Variants in LIN52 observed in about 807,000 individuals in gnomAD.
LIN52 encodes protein lin-52 homolog.
Under a neutral mutation model 18.5 loss-of-function variants are expected in LIN52, and 4 were observed. That is an observed-to-expected ratio of 0.22 (90% CI 0.11 to 0.49). The LOEUF is 0.49. LIN52 is among the 20% of genes least tolerant of loss of function. The pLI, the probability that LIN52 is intolerant of heterozygous loss-of-function variation, is 0.97. For synonymous variants in LIN52, 34 were observed against 45.5 expected (o/e 0.75, Z 1.02); for missense variants, 102 against 139.5 (o/e 0.73, Z 1.35).
chr14:74,156,226 A>G (rs893268463), intron 5 of LIN52, among the ~76,000 whole-genome samples: 2 of 152,186 alleles, frequency 1.3e-5, no homozygotes, highest in African/African-American at 4.8e-5. Flanking sequence ...AGATCATAAT[A>G]CTCCTTTTTT....
intron 5 of LIN52, among the ~76,000 whole-genome samples, chr14:74,190,742 AC>A (rs1350322307): frequency 6.6e-6 from 1 of 152,148 alleles, no homozygotes; most frequent in Non-Finnish European, 1.5e-5. Flanking sequence ...TTCAAATGCT[AC>A]TTTTATATAT....
chr14:74,199,050 A>G lies in LIN52; in HGVS notation c.*73A>G. On this transcript the variant is annotated 3_prime_UTR_variant, in exon 6 of 6. Transcript: ENST00000555028. ...TCCCGGTGCACCTCTAACAATGCAC[A>G]CCTCACTGCTTGCTTGGGAGAGGCC... is the stretch of plus-strand genomic sequence containing the variant. The G allele has an allele frequency of 9.5e-7, 1 of 1,049,902 alleles. No homozygotes were observed. Among genetic ancestry groups the G allele is most frequent in the Non-Finnish European group, 1.5e-6 (1 of 673,268 alleles). 65.0% of individuals were successfully genotyped at this position (1,049,902 alleles called of 1,614,324 possible). A position where few individuals can be genotyped will look rare whatever the true frequency, so the allele number is the denominator to read the frequency against.
chr14:74,190,388 A>ATTTTTTTT (rs2061358409), intron 5 of LIN52, among the ~76,000 whole-genome samples: 3 of 64,308 alleles, frequency 4.7e-5, no homozygotes, highest in Non-Finnish European at 6.3e-5. Context: ...TGCCTAAATA[A>ATTTTTTTT]CTTTTTTTTT....
chr14:74,113,040 T>C (rs2060939420), intron 5 of LIN52, among the ~76,000 whole-genome samples: 1 of 152,128 alleles, frequency 6.6e-6, no homozygotes, highest in African/African-American at 2.4e-5. Context: ...AGGCAATTAG[T>C]GATGTCTGTT....
At chr14:74,140,078 A>ATT (rs1459735374) in intron 5 of LIN52, among the ~76,000 whole-genome samples, 1 of 123,414 alleles carries the variant, frequency 8.1e-6, no homozygotes, top group African/African-American at 3.3e-5. Context: ...TCCTAAGAAC[A>ATT]CTTCAGCAAA....
At chr14:74,161,310 C>G (rs894054260) in intron 5 of LIN52, among the ~76,000 whole-genome samples, 7 of 152,110 alleles carry the variant, frequency 4.6e-5, no homozygotes, top group African/African-American at 1.7e-4. Context: ...CTCAACCTCC[C>G]AAGTAGCTGG....
chr14:74,178,514 G>A (rs2061303100), intron 5 of LIN52, among the ~76,000 whole-genome samples: 2 of 151,120 alleles, frequency 1.3e-5, no homozygotes, highest in African/African-American at 4.9e-5. Context: ...CTGGAGTGCA[G>A]TGGTGCGATT....
At chr14:74,197,290 C>T (rs537413975) in intron 5 of LIN52, among the ~76,000 whole-genome samples, 115 of 152,144 alleles carry the variant, frequency 7.6e-4, no homozygotes, top group African/African-American at 2.5e-3. Flanking sequence ...TGTAGCAGGT[C>T]GGTAAGAATC....
At chr14:74,154,621 A>G (rs1436920016) in intron 5 of LIN52, among the ~76,000 whole-genome samples, 3 of 152,134 alleles carry the variant, frequency 2.0e-5, no homozygotes, top group Admixed American at 6.6e-5. Context: ...ATGGGTTTTA[A>G]TGTTACTCCT....
At chr14:74,138,259 A>G (rs1304122175) in intron 5 of LIN52, among the ~76,000 whole-genome samples, 1 of 152,246 alleles carries the variant, frequency 6.6e-6, no homozygotes, top group African/African-American at 2.4e-5. Context: ...AAGAGATGAA[A>G]CTTGAAATAG....
intron 5 of LIN52, among the ~76,000 whole-genome samples, chr14:74,104,655 GTCTT>G (rs2060885708): frequency 6.7e-6 from 1 of 150,318 alleles, no homozygotes; most frequent in Non-Finnish European, 1.5e-5. Flanking sequence ...ATGTGTGCTG[GTCTT>G]TCTTTTTGTG....
At chr14:74,150,741 A>T (rs2061173478) in intron 5 of LIN52, among the ~76,000 whole-genome samples, 1 of 152,236 alleles carries the variant, frequency 6.6e-6, no homozygotes, top group Admixed American at 6.5e-5. Context: ...GCTAATAGCC[A>T]GTCTGACCTT....
chr14:74,169,797 A>C (rs2061263268), intron 5 of LIN52, among the ~76,000 whole-genome samples: 1 of 152,230 alleles, frequency 6.6e-6, no homozygotes, highest in Non-Finnish European at 1.5e-5. Flanking sequence ...CTAGGATCTC[A>C]AAGATAAAAC....
chr14:74,140,924 G>A (rs1278845921), intron 5 of LIN52, among the ~76,000 whole-genome samples: 3 of 152,110 alleles, frequency 2.0e-5, no homozygotes, highest in Non-Finnish European at 1.5e-5. Flanking sequence ...ATACCGTTGT[G>A]TGCGTTTTTC....
chr14:74,137,498 C>CTCTTTTTTTTTTTTTTTT (rs776969152), intron 5 of LIN52, among the ~76,000 whole-genome samples: 2 of 111,624 alleles, frequency 1.8e-5, no homozygotes, highest in Non-Finnish European at 3.5e-5. Flanking sequence ...CAGCAGCTCT[C>CTCTTTTTTTTTTTTTTTT]TTTTTTTTTT....
Position 74,095,979 on chromosome 14 carries a change from C to G in LIN52, c.126C>G (p.Phe42Leu), listed in dbSNP as rs1177811521. 37 of 1,608,280 alleles carry G rather than the reference C, an allele frequency of 2.3e-5. No homozygotes were observed. The highest frequency in any genetic ancestry group is 3.1e-5 in the Non-Finnish European group (36 of 1,176,746). Residue 42 changes from phenylalanine (F) to leucine (L), a missense_variant, in exon 3 of 6, where the codon TTC becomes TTG. Transcript: ENST00000555028. The stretch of plus-strand genomic sequence containing the variant: ...GTGTTGCTGAATTTGCAGCTTCCTT[C>G]AAAAGTGTAAGTAATATCCCTTACC... ...LPGVAEFAAS[F>L]KSPITSSPPK...
chr14:74,094,439 G>GT (rs1372253507), intron 2 of LIN52, among the ~76,000 whole-genome samples: 6 of 151,632 alleles, frequency 4.0e-5, no homozygotes, highest in African/African-American at 1.5e-4. Flanking sequence ...AAAAAATTTT[G>GT]GGGGGGACAA....
chr14:74,134,711 A>G (rs1396704524), intron 5 of LIN52, among the ~76,000 whole-genome samples: 2 of 152,168 alleles, frequency 1.3e-5, no homozygotes, highest in Non-Finnish European at 2.9e-5. Flanking sequence ...AGAGTGGGCC[A>G]GCTAGAGTTA....
chr14:74,157,910 G>A (rs117950291), intron 5 of LIN52, among the ~76,000 whole-genome samples: 240 of 152,216 alleles, frequency 1.6e-3, no homozygotes, highest in Middle Eastern at 0.01. Flanking sequence ...CAGATTAAGG[G>A]CTTTGTGCAT....
Sources: allele counts gnomAD v4.1 joint callset (sites outside exome capture counted in the v4.1 genomes callset), GRCh38; gene constraint gnomAD v4.1.1; transcripts MANE v1.5; gene names NCBI Gene and HGNC (gene_info 2026-07-23, HGNC 2026-07-21).